The following GRM7 variants were observed in gnomAD, a reference collection of about 807,000 sequenced individuals.
GRM7 encodes metabotropic glutamate receptor 7.
A neutral mutation model predicts 84.5 loss-of-function variants in GRM7; 35 were observed. The ratio of observed to expected loss-of-function variants is 0.41; its 90% CI spans 0.32 to 0.55. The LOEUF is 0.55. GRM7 is among the 20% of genes least tolerant of loss of function. The pLI, the probability that GRM7 is intolerant of heterozygous loss-of-function variation, is 0.19. For missense variants in GRM7, 1,003 were observed against 1,194.6 expected (o/e 0.84, Z 2.36); for synonymous variants, 487 against 455.1 (o/e 1.07, Z -0.89).
chr3:7,634,826 G>C (rs1196681295), intron 8 of GRM7, among the ~76,000 whole-genome samples: 1 of 151,414 alleles, frequency 6.6e-6, no homozygotes, highest in African/African-American at 2.4e-5. Context: ...AAAGAAAAAA[G>C]AAATCCGCAG....
chr3:7,545,613 C>G (rs560648317), intron 7 of GRM7, among the ~76,000 whole-genome samples: 13 of 152,040 alleles, frequency 8.6e-5, no homozygotes, highest in Non-Finnish European at 1.5e-4. Flanking sequence ...AGAGCTTTGC[C>G]TCAGGAATGT....
At chr3:7,423,438 T>C (rs529717937) in intron 5 of GRM7, among the ~76,000 whole-genome samples, 13 of 152,296 alleles carry the variant, frequency 8.5e-5, no homozygotes, top group Admixed American at 3.3e-4. Context: ...ACTAGGGAAA[T>C]TAATTCATAT....
chr3:7,342,223 C>T (rs1692673341), intron 4 of GRM7, among the ~76,000 whole-genome samples: 2 of 152,106 alleles, frequency 1.3e-5, no homozygotes, highest in African/African-American at 4.8e-5. Context: ...ATTGCATTTT[C>T]AAGACAAAAC....
At chr3:7,100,794 C>T (rs796620080) in intron 1 of GRM7, among the ~76,000 whole-genome samples, 8 of 151,882 alleles carry the variant, frequency 5.3e-5, no homozygotes, top group African/African-American at 1.9e-4. Context: ...TTCTGATCAC[C>T]CCTTTCTCCT....
At chr3:7,419,363 GACAC>G (rs1372494400) in intron 5 of GRM7, among the ~76,000 whole-genome samples, 2 of 152,080 alleles carry the variant, frequency 1.3e-5, no homozygotes, top group Non-Finnish European at 2.9e-5. Context: ...GTGACATTTG[GACAC>G]ACACTGTGCA....
chr3:7,000,804 T>C (rs1339231946), intron 1 of GRM7, among the ~76,000 whole-genome samples: 2 of 152,178 alleles, frequency 1.3e-5, no homozygotes, highest in African/African-American at 4.8e-5. Flanking sequence ...GAGCCACACA[T>C]TGGCTCAAAC....
intron 1 of GRM7, among the ~76,000 whole-genome samples, chr3:6,992,842 G>A (rs1364728009): frequency 6.6e-6 from 1 of 152,212 alleles, no homozygotes; most frequent in Non-Finnish European, 1.5e-5. Flanking sequence ...AGCCAAATGT[G>A]AAGTCAGCTC....
intron 4 of GRM7, among the ~76,000 whole-genome samples, chr3:7,320,766 G>A (rs1333466114): frequency 6.7e-6 from 1 of 150,290 alleles, no homozygotes; most frequent in African/African-American, 2.5e-5. Context: ...GATCCTTACT[G>A]TTGCATATAA....
At chr3:7,338,773 A>G (rs1449675323) in intron 4 of GRM7, among the ~76,000 whole-genome samples, 3 of 152,064 alleles carry the variant, frequency 2.0e-5, no homozygotes, top group Non-Finnish European at 4.4e-5. Flanking sequence ...TGTCTCCTAA[A>G]CAAGCGTATA....
At chr3:7,702,214 A>C (rs1169851682) in intron 9 of GRM7, among the ~76,000 whole-genome samples, 1 of 152,210 alleles carries the variant, frequency 6.6e-6, no homozygotes, top group African/African-American at 2.4e-5. Flanking sequence ...TGAATAATTT[A>C]AGGCAATGCT....
At chr3:6,980,805 C>T (rs544828542) in intron 1 of GRM7, among the ~76,000 whole-genome samples, 12 of 152,210 alleles carry the variant, frequency 7.9e-5, no homozygotes, top group South Asian at 6.2e-4. Context: ...TGCTTATTAC[C>T]ACAAAGAGAA....
intron 7 of GRM7, among the ~76,000 whole-genome samples, chr3:7,549,779 A>G (rs1288755578): frequency 6.6e-6 from 1 of 152,254 alleles, no homozygotes; most frequent in Non-Finnish European, 1.5e-5. Flanking sequence ...TGAAAATACG[A>G]GAAGACAAAC....
intron 9 of GRM7, among the ~76,000 whole-genome samples, chr3:7,715,724 C>T (rs555341893): frequency 2.0e-5 from 3 of 152,152 alleles, no homozygotes; most frequent in Non-Finnish European, 2.9e-5. Context: ...ATTCAGACCC[C>T]GCACACTTGG....
intron 1 of GRM7, among the ~76,000 whole-genome samples, chr3:7,133,322 GT>G (rs2125055378): frequency 6.6e-6 from 1 of 152,334 alleles, no homozygotes; most frequent in African/African-American, 2.4e-5. Context: ...CGGCCCAGTA[GT>G]CCCCAACTGT....
At chr3:7,247,996 A>G (rs1161867573) in intron 2 of GRM7, among the ~76,000 whole-genome samples, 1 of 152,184 alleles carries the variant, frequency 6.6e-6, no homozygotes, top group African/African-American at 2.4e-5. Flanking sequence ...TTGTTCACAG[A>G]TCAGAACTCT....
intron 1 of GRM7, among the ~76,000 whole-genome samples, chr3:7,118,611 TA>T (rs139030304): frequency 2.0e-5 from 3 of 148,942 alleles, no homozygotes; most frequent in Admixed American, 6.7e-5. Context: ...CAATTTCTGC[TA>T]AAAAAAAAGA....
At chr3:7,293,392 A>G (rs1484189115) in intron 2 of GRM7, among the ~76,000 whole-genome samples, 1 of 152,124 alleles carries the variant, frequency 6.6e-6, no homozygotes, top group Non-Finnish European at 1.5e-5. Context: ...TCTTTTCGTT[A>G]CTTCAGTGGC....
intron 2 of GRM7, among the ~76,000 whole-genome samples, chr3:7,285,343 G>A (rs959535650): frequency 6.6e-6 from 1 of 152,106 alleles, no homozygotes; most frequent in African/African-American, 2.4e-5. Flanking sequence ...CCTACAGACA[G>A]TGCACCGTTT....
chr3:7,385,976 G>A (rs1404257526), intron 4 of GRM7, among the ~76,000 whole-genome samples: 2 of 152,142 alleles, frequency 1.3e-5, no homozygotes, highest in Non-Finnish European at 2.9e-5. Context: ...AAAGCAAAAC[G>A]TGCATACAGT....
Sources: gnomAD v4.1 joint callset for allele counts (sites outside exome capture counted in the v4.1 genomes callset) on GRCh38, gnomAD v4.1.1 for gene constraint, MANE v1.5 for transcripts, NCBI Gene and HGNC (gene_info 2026-07-23, HGNC 2026-07-21) for gene names.